Variants in THEMIS observed in about 807,000 individuals in gnomAD.
THEMIS encodes protein THEMIS.
Under a neutral mutation model 52.6 loss-of-function variants are expected in THEMIS, and 37 were observed. The observed-to-expected ratio is 0.70, with a 90% CI of 0.54 to 0.93. The LOEUF is 0.93. Among genes scored for constraint, THEMIS ranks in the 40% least tolerant of loss-of-function variants. THEMIS has a pLI of 0.00. For missense variants in THEMIS, 808 were observed against 763.1 expected, an observed-to-expected ratio of 1.06 and a Z score of -0.69; for synonymous variants, 292 against 272.7, an observed-to-expected ratio of 1.07 and a Z score of -0.70.
Position 127,813,804 on chromosome 6 carries a change from T to G in THEMIS, c.837A>C (p.Lys279Asn). 6.2e-7 allele frequency: 1 copy of G among 1,614,028 alleles called. No individual in the cohort carries two copies. The highest frequency in any genetic ancestry group is 2.2e-5 in the East Asian group (1 of 44,884). Residue 279 changes from lysine to asparagine, a missense_variant, in exon 4 of 6, where the codon AAA becomes AAC. Lys to Asn is a moderately conservative substitution (Grantham distance 94). Transcript: ENST00000368248. ...STEDLFEMTS[K>N]EFPIVTEVIE... ...TGACTTCAGTCACTATGGGGAACTC[T>G]TTACTAGTCATTTCAAAAAGATCTT... is the stretch of plus-strand genomic sequence containing the variant.
chr6:127,725,697 T>C (rs960909935), intron 4 of THEMIS, among the ~76,000 whole-genome samples: 59 of 152,230 alleles, frequency 3.9e-4, no homozygotes, highest in African/African-American at 1.3e-3. Context: ...TCTGAGGTTT[T>C]CTACAATGAT....
At chr6:127,817,980 TCTC>T (rs1778194565) in intron 3 of THEMIS, among the ~76,000 whole-genome samples, 1 of 152,106 alleles carries the variant, frequency 6.6e-6, no homozygotes, top group African/African-American at 2.4e-5. Context: ...AGCATTCTGT[TCTC>T]CTTAAAAAAT....
chr6:127,756,176 C>T (rs946802392), intron 4 of THEMIS, among the ~76,000 whole-genome samples: 1 of 152,140 alleles, frequency 6.6e-6, no homozygotes, highest in Non-Finnish European at 1.5e-5. Context: ...CATTATGTTA[C>T]AAGTATAATT....
chr6:127,851,606 G>A (rs1779427446), intron 2 of THEMIS, among the ~76,000 whole-genome samples: 3 of 151,752 alleles, frequency 2.0e-5, no homozygotes, highest in Admixed American at 2.0e-4. Context: ...CTGAATACAT[G>A]CCATCAGGGC....
At chr6:127,711,470 T>G (rs1283998329) in intron 5 of THEMIS, among the ~76,000 whole-genome samples, 1 of 151,942 alleles carries the variant, frequency 6.6e-6, no homozygotes, top group Non-Finnish European at 1.5e-5. Flanking sequence ...CTGTCAACAT[T>G]TCCATCAGTG....
At chr6:127,735,021 T>C (rs892250693) in intron 4 of THEMIS, among the ~76,000 whole-genome samples, 13 of 149,990 alleles carry the variant, frequency 8.7e-5, no homozygotes, top group African/African-American at 3.2e-4. Context: ...AGATATTGTT[T>C]CTTAAATAAT....
intron 1 of THEMIS, among the ~76,000 whole-genome samples, chr6:127,865,072 A>G (rs1779931222): frequency 1.3e-5 from 2 of 152,114 alleles, no homozygotes; most frequent in African/African-American, 2.4e-5. Flanking sequence ...GGGTCCTGGG[A>G]TTTTACTGGA....
intron 4 of THEMIS, among the ~76,000 whole-genome samples, chr6:127,729,901 A>G (rs1774701204): frequency 6.6e-6 from 1 of 152,196 alleles, no homozygotes; most frequent in Non-Finnish European, 1.5e-5. Flanking sequence ...GGTTTCAAAA[A>G]TATCTACCAA....
intron 2 of THEMIS, among the ~76,000 whole-genome samples, chr6:127,846,769 A>C (rs1370349481): frequency 3.3e-5 from 5 of 151,816 alleles, no homozygotes; most frequent in Admixed American, 6.6e-5. Context: ...GAAACATAGA[A>C]TCCTCCCTAA....
intron 2 of THEMIS, among the ~76,000 whole-genome samples, chr6:127,853,565 T>G (rs533135916): frequency 9.2e-5 from 14 of 151,668 alleles, no homozygotes; most frequent in Non-Finnish European, 1.8e-4. Context: ...GACTGAATAC[T>G]AGAGCACTTG....
chr6:127,838,060 T>G lies in THEMIS; in HGVS notation c.251-8126A>C, dbSNP rs537159579. On this transcript the variant is annotated intron_variant, in intron 2 of 5. Transcript: ENST00000368248. ...TTAAAGCTTTAAACATTATAAAGGCTCTTTTCTCAGCACAGTACTGGTTCC... is the reference window on the plus strand; with the variant it reads ...TTAAAGCTTTAAACATTATAAAGGCGCTTTTCTCAGCACAGTACTGGTTCC... 3.3e-5 allele frequency among the ~76,000 whole-genome samples: 5 copies of G among 152,226 alleles called. No individual in the cohort carries two copies. The South Asian group carries it at 1.0e-3, about 32-fold the overall frequency.
At chr6:127,864,468 A>G (rs1779907634) in intron 1 of THEMIS, among the ~76,000 whole-genome samples, 1 of 152,130 alleles carries the variant, frequency 6.6e-6, no homozygotes, top group Non-Finnish European at 1.5e-5. Flanking sequence ...ATAATCTTAG[A>G]CTATCTTCTG....
upstream of THEMIS, among the ~76,000 whole-genome samples, chr6:127,904,364 G>A (rs1051096966): frequency 1.3e-5 from 2 of 152,054 alleles, no homozygotes; most frequent in East Asian, 3.9e-4. Context: ...GCCAAGGAGG[G>A]AGCAGGAGTC....
chr6:127,733,616 GAGAA>G (rs1490468912), intron 4 of THEMIS, among the ~76,000 whole-genome samples: 1 of 152,222 alleles, frequency 6.6e-6, no homozygotes, highest in African/African-American at 2.4e-5. Context: ...CCAGCTTTAC[GAGAA>G]AGAAAGAAAC....
In THEMIS at chr6:127,709,895, G is replaced by A. The variant is rs1773915694; in HGVS notation, c.*90C>T. ...AATCAAGTTTCTTCTGGAGTCCATT[G>A]GGGAATACTCGTTTTTCAGCTAGAA... On this transcript the variant is annotated 3_prime_UTR_variant, in exon 6 of 6. Coordinates refer to ENST00000368248, the MANE Select transcript of THEMIS (RefSeq NM_001010923.3). 2.6e-6 allele frequency: 3 copies of A among 1,151,648 alleles called. No individual in the cohort carries two copies. In the South Asian group the frequency reaches 4.2e-5, roughly 16 times the overall value. 71.3% of individuals were successfully genotyped at this position (1,151,648 alleles called of 1,614,324 possible).
At chr6:127,878,805 C>T (rs1780391822) in intron 1 of THEMIS, among the ~76,000 whole-genome samples, 1 of 152,156 alleles carries the variant, frequency 6.6e-6, no homozygotes, top group Admixed American at 6.5e-5. Flanking sequence ...TTGAATAATT[C>T]TGCTTTGTCT....
chr6:127,702,249 T>C, the THEMIS span, among the ~76,000 whole-genome samples: 1 of 152,222 alleles, frequency 6.6e-6, no homozygotes, highest in African/African-American at 2.4e-5. Context: ...CAACTGTTTG[T>C]CCAATTGATG....
rs532406252 is a variant in THEMIS at position 127,913,277 on chromosome 6, T to C, written c.-150+5151A>G. Among the ~76,000 whole-genome samples the C allele has an allele frequency of 3.3e-4, 50 of 152,350 alleles. 1 individual carries two copies. Among genetic ancestry groups the C allele is most frequent in the Admixed American group, 3.3e-3 (50 of 15,294 alleles). ...TCCTTTACCTCTATGAAGCCTTTTC[T>C]AATCTTTATATTATTTTCACAATTC... On this transcript the variant is annotated intron_variant, in intron 1 of 6. Coordinates refer to the THEMIS transcript ENST00000368250.
At chr6:127,745,408 A>G (rs2114300700) in intron 4 of THEMIS, among the ~76,000 whole-genome samples, 1 of 152,040 alleles carries the variant, frequency 6.6e-6, no homozygotes, top group South Asian at 2.1e-4. Context: ...AAAGACATCA[A>G]AAAAGTTGAC....
Sources: allele counts gnomAD v4.1 joint callset (sites outside exome capture counted in the v4.1 genomes callset), GRCh38; gene constraint gnomAD v4.1.1; transcripts MANE v1.5; gene names NCBI Gene and HGNC (gene_info 2026-07-23, HGNC 2026-07-21).